SETBP1: variants seen among roughly 807,000 people sequenced by gnomAD.
SETBP1 encodes the protein SET-binding protein.
SETBP1 carries 9 observed loss-of-function variants against 101.0 expected under a neutral mutation model. The ratio of observed to expected loss-of-function variants is 0.09; its 90% CI spans 0.05 to 0.16. The LOEUF (loss-of-function observed/expected upper bound fraction) is 0.16. SETBP1 is among the 10% of genes least tolerant of loss of function. SETBP1 has a pLI of 1.00. For synonymous variants in SETBP1, 818 were observed against 788.5 expected (o/e 1.04, Z -0.63); for missense variants, 1,858 against 2,033.8 (o/e 0.91, Z 1.66).
In SETBP1 at chr18:44,701,790, C is replaced by T; in HGVS notation, c.444C>T (p.Ser148=). ...DQKVSRAGKN[S]KATKEEERSH... is the part of the protein sequence containing the mutation. ...AGGTGTCCCGTGCTGGAAAAAATAG[C>T]AAAGCCACGAAGGAGGAAGAAAGAA... The change falls in exon 2 of 6, where the codon AGC becomes AGT. Residue 148 remains serine (S), a synonymous_variant. Transcript: ENST00000649279. 1 of 1,609,916 alleles carries T rather than the reference C, an allele frequency of 6.2e-7. No individual in the cohort carries two copies. The highest frequency in any genetic ancestry group is 8.5e-7 in the Non-Finnish European group (1 of 1,177,586).
intron 4 of SETBP1, among the ~76,000 whole-genome samples, chr18:45,020,232 C>T (rs2073029330): frequency 7.3e-6 from 1 of 137,600 alleles, no homozygotes; most frequent in Non-Finnish European, 1.5e-5. Flanking sequence ...TACACTCTAG[C>T]CTGGTGACAG....
chr18:44,830,225 C>T (rs1029353890), intron 2 of SETBP1, among the ~76,000 whole-genome samples: 7 of 152,152 alleles, frequency 4.6e-5, no homozygotes, highest in Non-Finnish European at 1.0e-4. Flanking sequence ...ACAGCATTTT[C>T]CAAACTAATT....
chr18:45,051,132 T>C (rs1382330214), intron 5 of SETBP1, among the ~76,000 whole-genome samples: 2 of 152,174 alleles, frequency 1.3e-5, no homozygotes, highest in Non-Finnish European at 2.9e-5. Flanking sequence ...ACTCTCCTAC[T>C]CCACGCATTG....
At chr18:44,968,558 A>C (rs182224572) in intron 4 of SETBP1, among the ~76,000 whole-genome samples, 45 of 152,318 alleles carry the variant, frequency 3.0e-4, no homozygotes, top group African/African-American at 1.1e-3. Flanking sequence ...CGCTGCCAGC[A>C]AGAGGAGACC....
intron 4 of SETBP1, among the ~76,000 whole-genome samples, chr18:44,963,981 GA>G (rs978859045): frequency 6.9e-5 from 6 of 86,600 alleles, no homozygotes; most frequent in African/African-American, 2.0e-4. Context: ...AGAGATCCAT[GA>G]AAAAAAAACA....
At chr18:44,770,702 T>C (rs1037572504) in intron 2 of SETBP1, among the ~76,000 whole-genome samples, 2 of 152,178 alleles carry the variant, frequency 1.3e-5, no homozygotes, top group African/African-American at 4.8e-5. Context: ...TTGTAGGTGA[T>C]AACTATACAG....
rs973611154 is a variant in SETBP1 at position 45,038,521 on chromosome 18, C to T, written c.4037C>T (p.Ala1346Val). ...CCCCACTTAAAAGTGGACCAGACAG[C>T]AGTGCATAGTAAGAACGAAGGCTCA... The part of the protein sequence containing the change: ...PSPHLKVDQT[A>V]VHSKNEGSVP... The change falls in exon 5 of 6, where the codon GCA (alanine) becomes GTA (valine). Residue 1346 changes from alanine to valine, a missense_variant. Ala to Val is a moderately conservative substitution (Grantham distance 64). This residue lies in a region of SETBP1 where 417 missense variants were observed against 389.1 expected (regional missense o/e 1.07). Transcript: ENST00000649279. 5 of 1,613,990 alleles carry T rather than the reference C, an allele frequency of 3.1e-6. No individual in the cohort carries two copies. The highest frequency in any genetic ancestry group is 1.3e-5 in the African/African-American group (1 of 74,910).
intron 4 of SETBP1, 66 bp downstream of exon 4, chr18:44,953,406 C>T: frequency 7.2e-7 from 1 of 1,391,044 alleles, no homozygotes; most frequent in Non-Finnish European, 1.0e-6. Flanking sequence ...GCACCTCAGA[C>T]ACATCTGTGG....
At chr18:44,978,370 A>G (rs1236153422) in intron 4 of SETBP1, among the ~76,000 whole-genome samples, 2 of 152,172 alleles carry the variant, frequency 1.3e-5, no homozygotes, top group African/African-American at 2.4e-5. Context: ...CTGCCCGTGC[A>G]GGGGGAAACC....
chr18:44,831,682 G>T (rs1344906286), intron 2 of SETBP1, among the ~76,000 whole-genome samples: 6 of 152,174 alleles, frequency 3.9e-5, no homozygotes, highest in Non-Finnish European at 5.9e-5. Flanking sequence ...GGTAATATAA[G>T]GTGAACACTC....
At chr18:44,991,964 C>T (rs1313622540) in intron 4 of SETBP1, among the ~76,000 whole-genome samples, 3 of 152,140 alleles carry the variant, frequency 2.0e-5, no homozygotes, top group Non-Finnish European at 4.4e-5. Context: ...AGATTAAACC[C>T]GGTAATCAAA....
At chr18:44,694,091 CTT>C (rs1016751129) in intron 1 of SETBP1, among the ~76,000 whole-genome samples, 2 of 152,154 alleles carry the variant, frequency 1.3e-5, no homozygotes. Flanking sequence ...ACAGAAAAGA[CTT>C]TTCTCAGTTC....
At chr18:44,885,938 T>C (rs976858815) in intron 3 of SETBP1, among the ~76,000 whole-genome samples, 1 of 151,418 alleles carries the variant, frequency 6.6e-6, no homozygotes, top group Non-Finnish European at 1.5e-5. Flanking sequence ...TTGAGTCTTA[T>C]ATTCAATGCA....
At chr18:44,774,708 T>G (rs943597107) in intron 2 of SETBP1, among the ~76,000 whole-genome samples, 2 of 152,154 alleles carry the variant, frequency 1.3e-5, no homozygotes, top group African/African-American at 4.8e-5. Context: ...TGGAAAATAT[T>G]CTTCAACCTC....
chr18:44,976,484 C>G (rs903311310), intron 4 of SETBP1, among the ~76,000 whole-genome samples: 1 of 152,198 alleles, frequency 6.6e-6, no homozygotes, highest in African/African-American at 2.4e-5. Context: ...GGCCCTCATC[C>G]GCCCTGCTGT....
chr18:44,689,603 G>C (rs1377870877), intron 1 of SETBP1, among the ~76,000 whole-genome samples: 1 of 152,212 alleles, frequency 6.6e-6, no homozygotes, highest in East Asian at 1.9e-4. Context: ...AGTAGCAGCA[G>C]CCAGCCATTT....
At chr18:44,903,980 G>A (rs2043832336) in intron 3 of SETBP1, among the ~76,000 whole-genome samples, 2 of 151,920 alleles carry the variant, frequency 1.3e-5, no homozygotes, top group Admixed American at 1.3e-4. Context: ...AGGTCTTTTA[G>A]GCCAGGAGCT....
rs182863843 is a variant in SETBP1 at position 45,045,170 on chromosome 18, A to T, written c.4171+6515A>T. On this transcript the variant is annotated intron_variant, in intron 5 of 5. Coordinates refer to ENST00000649279, the MANE Select transcript of SETBP1 (RefSeq NM_015559.3). ...CCAGGCACAGTGGCTCACACCTGTA[A>T]TCCCAGCACTTGGGAAGCCAAGGCA... is the stretch of plus-strand genomic sequence containing the variant. 4.6e-5 allele frequency among the ~76,000 whole-genome samples: 7 copies of T among 152,290 alleles called. No individual in the cohort carries two copies. In the East Asian group the frequency reaches 1.4e-3, roughly 29 times the overall value.
intron 4 of SETBP1, among the ~76,000 whole-genome samples, chr18:44,954,242 A>G (rs2071432056): frequency 6.6e-6 from 1 of 151,458 alleles, no homozygotes; most frequent in African/African-American, 2.4e-5. Flanking sequence ...CTGGCCTTAC[A>G]TCATATATGA....
Sources: gnomAD v4.1 joint callset for allele counts (sites outside exome capture counted in the v4.1 genomes callset) on GRCh38, gnomAD v4.1.1 for gene constraint, gnomAD v4.1.1 regional missense constraint, MANE v1.5 for transcripts, NCBI Gene and HGNC (gene_info 2026-07-23, HGNC 2026-07-21) for gene names.